IL5RA: variants seen among roughly 807,000 people sequenced by gnomAD.
The protein encoded by IL5RA is interleukin 5 receptor subunit alpha.
IL5RA carries 49 observed loss-of-function variants against 50.0 expected under a neutral mutation model. The observed-to-expected ratio is 0.98, with a 90% confidence interval of 0.78 to 1.24. The LOEUF is 1.24. Ranked by LOEUF, IL5RA falls within the 50% of genes most tolerant of loss-of-function variation. The pLI, the probability that IL5RA is intolerant of heterozygous loss-of-function variation, is 0.00. For synonymous variants in IL5RA, 202 were observed against 174.0 expected (o/e 1.16, Z -1.26); for missense variants, 600 against 500.4 (o/e 1.20, Z -1.90).
intron 9 of IL5RA, among the ~76,000 whole-genome samples, chr3:3,089,048 G>T (rs972542588): frequency 6.6e-6 from 1 of 152,126 alleles, no homozygotes; most frequent in Non-Finnish European, 1.5e-5. Context: ...AGTCCTGTGT[G>T]TGCTGGGTCA....
At chr3:3,071,450 A>G (rs942660697) in intron 11 of IL5RA, among the ~76,000 whole-genome samples, 4 of 152,244 alleles carry the variant, frequency 2.6e-5, no homozygotes, top group Non-Finnish European at 5.9e-5. Flanking sequence ...TCTTGTCTCT[A>G]TAAAAATTGT....
rs780191401 is a variant in IL5RA, at chr3:3,074,859, A to G, written c.1099T>C (p.Leu367=). The G allele has an allele frequency of 1.2e-6, 2 of 1,601,600 alleles. No homozygotes were observed. The highest frequency in any genetic ancestry group is 1.1e-5 in the South Asian group (1 of 90,804). ...ATTGGTGGAAACAACTTGATCCATA[A>G]ATGACATCTGAAAACAGAGTAAAGA... ...ILSLICKICH[L]WIKLFPPIPA... Residue 367 remains leucine, a synonymous_variant, in exon 11 of 12, where the codon TTA becomes CTA. Transcript: ENST00000446632.
chr3:3,090,402 CGT>C (rs1703037164), intron 9 of IL5RA: 1 of 627,142 alleles, frequency 1.6e-6, no homozygotes, highest in Non-Finnish European at 2.8e-6. Context: ...CAGTTAACGA[CGT>C]GTGTGTGCCT....
chr3:3,101,918 T>C, intron 4 of IL5RA, 88 bp from the exon 5 acceptor site: 1 of 1,166,950 alleles, frequency 8.6e-7, no homozygotes, highest in South Asian at 1.6e-5. Flanking sequence ...TTCTTCTACT[T>C]TTTAAATGAT....
rs1702181421 is a variant in IL5RA, at chr3:3,068,147, T to C, written c.*2078A>G. 6.6e-6 allele frequency: 1 copy of C among 152,264 alleles called. No homozygotes were observed. 9.4% of individuals were successfully genotyped at this position (152,264 alleles called of 1,614,324 possible). A position where few individuals can be genotyped will look rare whatever the true frequency, so the allele number is the denominator to read the frequency against. The stretch of plus-strand genomic sequence containing the variant: ...GCAGCATGAGCATCACCTGAGAACT[T>C]GTTAGAAACGCAGCTTTTCAGACCT... On this transcript the variant is annotated 3_prime_UTR_variant, in exon 12 of 12. Transcript: ENST00000446632.
At chr3:3,093,259 T>C (rs1703210183) in intron 8 of IL5RA, among the ~76,000 whole-genome samples, 1 of 152,202 alleles carries the variant, frequency 6.6e-6, no homozygotes, top group South Asian at 2.1e-4. Context: ...TACTTGCCAC[T>C]TGACTGAAAG....
At chr3:3,083,920 G>C (rs2125962301) in intron 9 of IL5RA, among the ~76,000 whole-genome samples, 1 of 152,170 alleles carries the variant, frequency 6.6e-6, no homozygotes, top group African/African-American at 2.4e-5. Flanking sequence ...GGGGTGGCAT[G>C]AGTAATTCCA....
chr3:3,076,590 G>C lies in IL5RA; in HGVS notation c.1032C>G (p.Val344=), dbSNP rs374268450. The change falls in exon 10 of 12, where the codon GTC becomes GTG. Residue 344 remains valine (V), a synonymous_variant. Transcript: ENST00000446632. ...AGCAGATGGTTGCCATAATCACAATGACAAACCACTCTCTCAAGGGCTTGT... is the reference window on the plus strand; with the variant it reads ...AGCAGATGGTTGCCATAATCACAATCACAAACCACTCTCTCAAGGGCTTGT... ...DEHKPLREWF[V]IVIMATICFI... is the part of the protein sequence containing the mutation. 1.2e-6 allele frequency: 2 copies of C among 1,612,222 alleles called. No homozygotes were observed. Among genetic ancestry groups the C allele is most frequent in the Non-Finnish European group, 1.7e-6 (2 of 1,178,488 alleles).
intron 9 of IL5RA, among the ~76,000 whole-genome samples, chr3:3,088,180 A>G (rs1255511078): frequency 6.6e-6 from 1 of 152,356 alleles, no homozygotes; most frequent in East Asian, 1.9e-4. Context: ...TAATAAATTA[A>G]AAACAAGCTT....
intron 11 of IL5RA, among the ~76,000 whole-genome samples, chr3:3,072,899 G>A (rs1226850602): frequency 2.0e-5 from 3 of 152,114 alleles, no homozygotes; most frequent in Non-Finnish European, 4.4e-5. Flanking sequence ...GTGACAAAGC[G>A]AGACTCCATC....
chr3:3,074,964 C>T, intron 10 of IL5RA, 98 bp from the exon 11 acceptor site: 1 of 732,626 alleles, frequency 1.4e-6, no homozygotes, highest in Non-Finnish European at 2.3e-6. Context: ...CTAGAACCTG[C>T]TGTTTTGTAA....
At chr3:3,096,676 C>T (rs1703382579) in intron 7 of IL5RA, among the ~76,000 whole-genome samples, 1 of 152,126 alleles carries the variant, frequency 6.6e-6, no homozygotes, top group Non-Finnish European at 1.5e-5. Context: ...TCTTCCTCGG[C>T]ATCTTTTATT....
At chr3:3,072,148 G>A (rs1254293035) in intron 11 of IL5RA, among the ~76,000 whole-genome samples, 2 of 152,216 alleles carry the variant, frequency 1.3e-5, no homozygotes, top group Non-Finnish European at 2.9e-5. Context: ...GTCCTTGGAC[G>A]TGGAGGCTGT....
Position 3,069,659 on chromosome 3 carries a change from T to TCTCA in IL5RA, c.*565_*566insTGAG, listed in dbSNP as rs1491402419. 2 of 149,148 alleles carry TCTCA rather than the reference T, an allele frequency of 1.3e-5. No homozygotes were observed. The highest frequency in any genetic ancestry group is 5.0e-5 in the African/African-American group (2 of 40,104). 9.2% of individuals were successfully genotyped at this position (149,148 alleles called of 1,614,324 possible). A position where few individuals can be genotyped will look rare whatever the true frequency, so the allele number is the denominator to read the frequency against. ...CTCTCTCTCTCTCTCTCTCTCTCTC[T>TCTCA]CATACACACACATACACAATCTACC... is the stretch of plus-strand genomic sequence containing the variant. On this transcript the variant is annotated 3_prime_UTR_variant, in exon 12 of 12. Transcript: ENST00000446632.
chr3:3,074,676 A>C (rs1179928845), intron 11 of IL5RA, 106 bp downstream of exon 11: 1 of 634,010 alleles, frequency 1.6e-6, no homozygotes, highest in East Asian at 2.9e-5. Context: ...TGGCCTTCTG[A>C]GTAAAAACCC....
At chr3:3,102,651 A>G (rs769105357) in intron 4 of IL5RA, 24 bp downstream of exon 4, 1 of 1,482,236 alleles carries the variant, frequency 6.7e-7, no homozygotes, top group Non-Finnish European at 9.2e-7. Flanking sequence ...CTCAATAAGG[A>G]TATCCATTAG....
chr3:3,087,058 G>A lies in IL5RA; in HGVS notation c.994+5166C>T, dbSNP rs571233056. Among the ~76,000 whole-genome samples, 13 of 152,154 alleles carry A rather than the reference G, an allele frequency of 8.5e-5. No homozygotes were observed. The South Asian group carries it at 2.3e-3, about 27-fold the overall frequency. ...GAGTGGTATAATGAACATTGAAGAC[G>A]CAGAAGGGGAGAGGGTGGGAGGAGC... On this transcript the variant is annotated intron_variant, in intron 9 of 11. Coordinates refer to ENST00000446632, the MANE Select transcript of IL5RA (RefSeq NM_175726.4).
chr3:3,109,011 A>G (rs1434290387), intron 1 of IL5RA, among the ~76,000 whole-genome samples: 1 of 152,280 alleles, frequency 6.6e-6, no homozygotes, highest in African/African-American at 2.4e-5. Context: ...TAAAATGTTC[A>G]GTATGGTAAT....
intron 5 of IL5RA, among the ~76,000 whole-genome samples, chr3:3,100,876 G>T (rs1458949233): frequency 6.6e-6 from 1 of 152,014 alleles, no homozygotes; most frequent in African/African-American, 2.4e-5. Context: ...GCCGGACACG[G>T]TGGCTCATGT....
Sources: gnomAD v4.1 joint callset for allele counts (sites outside exome capture counted in the v4.1 genomes callset) on GRCh38, gnomAD v4.1.1 for gene constraint, MANE v1.5 for transcripts, NCBI Gene and HGNC (gene_info 2026-07-23, HGNC 2026-07-21) for gene names.